Variants in MON2 observed in about 807,000 individuals in gnomAD.
MON2 encodes the protein MON2 regulator of endosome-to-Golgi trafficking.
A neutral mutation model predicts 208.6 loss-of-function variants in MON2; 84 were observed. The ratio of observed to expected loss-of-function variants is 0.40; its 90% CI spans 0.34 to 0.48. The LOEUF (loss-of-function observed/expected upper bound fraction) is 0.48. MON2 is among the 20% of genes least tolerant of loss of function. The pLI, the probability that MON2 is intolerant of heterozygous loss-of-function variation, is 0.59. For synonymous variants in MON2, 660 were observed against 694.0 expected (o/e 0.95, Z 0.77); for missense variants, 1,611 against 2,015.4 (o/e 0.80, Z 3.84).
chr12:62,568,400 A>G (rs2074462614), intron 29 of MON2, among the ~76,000 whole-genome samples: 1 of 152,132 alleles, frequency 6.6e-6, no homozygotes, highest in Non-Finnish European at 1.5e-5. Flanking sequence ...GTGGAGTGGC[A>G]TAATTATAGC....
At chr12:62,563,793 G>A (rs772570080) in intron 26 of MON2, among the ~76,000 whole-genome samples, 4 of 152,034 alleles carry the variant, frequency 2.6e-5, no homozygotes, top group Non-Finnish European at 4.4e-5. Flanking sequence ...TTCTTACAAA[G>A]AAATTATAAT....
rs547695465 is a variant in MON2 at position 62,513,957 on chromosome 12, AAAAG to A, written c.984+5497_984+5500del. 4.3e-3 allele frequency among the ~76,000 whole-genome samples: 635 copies of A among 146,796 alleles called. 31 individuals carry two copies. Among genetic ancestry groups the A allele is most frequent in the African/African-American group, 9.5e-3 (390 of 40,962 alleles). On this transcript the variant is annotated intron_variant, in intron 8 of 34. Coordinates refer to ENST00000393630, the MANE Select transcript of MON2 (RefSeq NM_015026.3). ...AGAGCGAGACTCCATCTCAAAAAAA[AAAAG>A]AAAGAAAGAAAGAAAGAAATGCCTT...
intron 24 of MON2, among the ~76,000 whole-genome samples, chr12:62,554,447 A>G (rs2073878998): frequency 6.6e-6 from 1 of 152,156 alleles, no homozygotes; most frequent in South Asian, 2.1e-4. Context: ...TGGTTAGTTC[A>G]GAGACCACAC....
At chr12:62,525,492 C>G (rs1010312010) in intron 10 of MON2, among the ~76,000 whole-genome samples, 1 of 152,078 alleles carries the variant, frequency 6.6e-6, no homozygotes, top group Admixed American at 6.6e-5. Flanking sequence ...TTAAAAGAAC[C>G]TTTATTTGAT....
intron 19 of MON2, among the ~76,000 whole-genome samples, chr12:62,542,060 CA>C (rs1339868560): frequency 6.6e-6 from 1 of 152,046 alleles, no homozygotes; most frequent in Non-Finnish European, 1.5e-5. Context: ...GATGAGATCC[CA>C]GTTAAAACTT....
chr12:62,525,134 G>A lies in MON2; in HGVS notation c.1160G>A (p.Arg387His), dbSNP rs764876847. 3.4e-5 allele frequency: 55 copies of A among 1,611,528 alleles called. No homozygotes were observed. The highest frequency in any genetic ancestry group is 2.9e-4 in the South Asian group (26 of 90,994). The change falls in exon 10 of 35, where the codon CGT (arginine) becomes CAT (histidine). Residue 387 changes from arginine to histidine, a missense_variant. Arg to His is a conservative substitution (Grantham distance 29, BLOSUM62 0). Transcript: ENST00000393630. ...AAACAGCATTCTACCAAGGTTTTTC[G>A]TGATATTGTAAATGCACTGGGATCT... ...DMKQHSTKVF[R>H]DIVNALGSFI... is the part of the protein sequence containing the mutation.
intron 13 of MON2, 133 bp downstream of exon 13, chr12:62,535,059 T>C (rs2072903182): frequency 1.5e-6 from 1 of 646,954 alleles, no homozygotes; most frequent in Non-Finnish European, 2.6e-6. Flanking sequence ...TTATTCTTTT[T>C]CCCTCATCCC....
intron 13 of MON2, 57 bp from the exon 14 acceptor site, chr12:62,535,468 C>A: frequency 7.9e-7 from 1 of 1,271,592 alleles, no homozygotes; most frequent in Non-Finnish European, 1.1e-6. Context: ...CCACATCATG[C>A]TTTACAATGT....
In MON2 at chr12:62,598,845, G is replaced by A. The variant is rs1220367227; in HGVS notation, c.*6096G>A. The A allele has an allele frequency of 1.3e-5, 2 of 152,112 alleles. No homozygotes were observed. The highest frequency in any genetic ancestry group is 2.9e-5 in the Non-Finnish European group (2 of 68,010). 9.4% of individuals were successfully genotyped at this position (152,112 alleles called of 1,614,324 possible). A position where few individuals can be genotyped will look rare whatever the true frequency, so the allele number is the denominator to read the frequency against. On this transcript the variant is annotated 3_prime_UTR_variant, in exon 35 of 35. Transcript: ENST00000393630. The stretch of plus-strand genomic sequence containing the variant: ...ATATAGTTATAACTGTGATTGTACA[G>A]ATTGTTTATTTGTTTTACAGCTAAC...
Position 62,585,065 on chromosome 12 carries a change from GCACACACACACACACACACACA to G in MON2, c.4700-204_4700-183del, listed in dbSNP as rs57834850. 9.8e-4 allele frequency among the ~76,000 whole-genome samples: 97 copies of G among 98,822 alleles called. No individual in the cohort carries two copies. In the South Asian group the frequency reaches 0.015, roughly 15 times the overall value. 64.8% of individuals were successfully genotyped at this position (98,822 alleles called of 152,430 possible). ...AGGGGGAATTTGTTTCTCTCTACAT[GCACACACACACACACACACACA>G]CACACACACACACACACACACACAA... On this transcript the variant is annotated intron_variant, in intron 32 of 34. Transcript: ENST00000393630.
chr12:62,592,585 G>A lies in MON2; in HGVS notation c.4991-1G>A. ...TGAGGTTTTATACTTTTGCATTACA[G>A]TTGATGGAAATACCTGGGCACAAGT... On this transcript the variant is annotated splice_acceptor_variant, in intron 34 of 34. Coordinates refer to ENST00000393630, the MANE Select transcript of MON2 (RefSeq NM_015026.3). LOFTEE classifies it high-confidence loss of function. 6.3e-7 allele frequency: 1 copy of A among 1,585,354 alleles called. No individual in the cohort carries two copies. The highest frequency in any genetic ancestry group is 8.6e-7 in the Non-Finnish European group (1 of 1,158,862).
intron 2 of MON2, among the ~76,000 whole-genome samples, chr12:62,492,433 G>A (rs1415895108): frequency 9.0e-5 from 13 of 144,912 alleles, no homozygotes; most frequent in South Asian, 4.3e-4. Flanking sequence ...CTGCGGTGGC[G>A]CAATCTCGGC....
intron 2 of MON2, chr12:62,489,981 A>G: frequency 9.3e-7 from 1 of 1,074,100 alleles, no homozygotes; most frequent in Non-Finnish European, 1.2e-6. Flanking sequence ...AACTTTTATT[A>G]CACCTGTTAA....
At chr12:62,527,488 G>A (rs1334177856) in intron 11 of MON2, among the ~76,000 whole-genome samples, 1 of 151,948 alleles carries the variant, frequency 6.6e-6, no homozygotes, top group Admixed American at 6.6e-5. Context: ...TTGTACAAAA[G>A]GTAATGACTC....
At chr12:62,562,067 G>A (rs1348419749) in intron 26 of MON2, among the ~76,000 whole-genome samples, 1 of 152,050 alleles carries the variant, frequency 6.6e-6, no homozygotes, top group Non-Finnish European at 1.5e-5. Flanking sequence ...AGGGGTATTA[G>A]TTTTCTACAA....
chr12:62,539,006 G>T (rs190603171), intron 19 of MON2, among the ~76,000 whole-genome samples: 223 of 151,864 alleles, frequency 1.5e-3, no homozygotes, highest in African/African-American at 5.1e-3. Flanking sequence ...CGGTACTTTT[G>T]AATATTAACA....
intron 1 of MON2, among the ~76,000 whole-genome samples, chr12:62,477,581 ATT>A (rs541530436): frequency 2.3e-4 from 30 of 128,422 alleles, no homozygotes; most frequent in Admixed American, 1.7e-4. Context: ...CGTTTGCCTA[ATT>A]TTTTTTTTTT....
Position 62,535,540 on chromosome 12 carries a change from C to T in MON2, c.1731C>T (p.Ala577=). 6.2e-7 allele frequency: 1 copy of T among 1,604,042 alleles called. No homozygotes were observed. Among genetic ancestry groups the T allele is most frequent in the Non-Finnish European group, 8.5e-7 (1 of 1,176,474 alleles). ...TTCTTTTCAGCACAGATGAAGCTGC[C>T]ACTGAGAATATTTTAAAAGCTGAAC... is the stretch of plus-strand genomic sequence containing the variant. ...LLLDASTDEA[A]TENILKAELT... Residue 577 remains alanine, a synonymous_variant, in exon 14 of 35, where the codon GCC becomes GCT. Coordinates refer to ENST00000393630, the MANE Select transcript of MON2 (RefSeq NM_015026.3).
intron 33 of MON2, among the ~76,000 whole-genome samples, chr12:62,586,134 C>A (rs1053846241): frequency 3.3e-5 from 5 of 152,102 alleles, no homozygotes; most frequent in African/African-American, 1.2e-4. Context: ...GTTAGGTTTG[C>A]AAATACTTTT....
Sources: allele counts gnomAD v4.1 joint callset (sites outside exome capture counted in the v4.1 genomes callset), GRCh38; gene constraint gnomAD v4.1.1; transcripts MANE v1.5; gene names NCBI Gene and HGNC (gene_info 2026-07-23, HGNC 2026-07-21).